The following OSTF1 variants were observed in gnomAD, a reference collection of about 807,000 sequenced individuals.
OSTF1 encodes the protein osteoclast-stimulating factor 1.
In OSTF1, 27 loss-of-function variants were observed where a neutral mutation model predicts 37.2. The ratio of observed to expected loss-of-function variants is 0.73; its 90% CI spans 0.54 to 1.00. The LOEUF (loss-of-function observed/expected upper bound fraction) is 1.00. OSTF1 is among the 50% of genes least tolerant of loss of function. The probability of loss-of-function intolerance (pLI) is 0.00; values close to 1 mark genes in which losing one functional copy is unlikely to be tolerated. For missense variants in OSTF1, 232 were observed against 253.8 expected, an observed-to-expected ratio of 0.91 and a Z score of 0.58; for synonymous variants, 82 against 89.2, an observed-to-expected ratio of 0.92 and a Z score of 0.46.
chr9:75,104,183 G>C (rs751362421), intron 1 of OSTF1, among the ~76,000 whole-genome samples: 1 of 152,272 alleles, frequency 6.6e-6, no homozygotes. Flanking sequence ...AGTCAAGGCT[G>C]CAGTGAGCTG....
intron 7 of OSTF1, among the ~76,000 whole-genome samples, chr9:75,134,732 C>A (rs1303016750): frequency 6.6e-6 from 1 of 152,186 alleles, no homozygotes; most frequent in African/African-American, 2.4e-5. Flanking sequence ...CCCCAGCTCT[C>A]ATCTTTCAGC....
In OSTF1 at chr9:75,146,716, A is replaced by G. The variant is rs1415419715; in HGVS notation, c.620A>G (p.Tyr207Cys). The stretch of plus-strand genomic sequence containing the variant: ...CGAACATTAAGCAATGCCGAGGACT[A>G]TCTCGATGATGAAGACTCAGATTAA... ...AVRTLSNAEDYLDDEDSD is the reference protein window; with the variant it reads ...AVRTLSNAEDCLDDEDSD Residue 207 changes from tyrosine (Y) to cysteine (C), a missense_variant, in exon 10 of 10, where the codon TAT becomes TGT. By Grantham distance (194) the Tyr-to-Cys change is radical. Coordinates refer to ENST00000346234, the MANE Select transcript of OSTF1 (RefSeq NM_012383.5). 3 of 1,610,986 alleles carry G rather than the reference A, an allele frequency of 1.9e-6. No homozygotes were observed. The highest frequency in any genetic ancestry group is 1.7e-5 in the Admixed American group (1 of 59,552).
chr9:75,096,190 A>T (rs1825083460), intron 1 of OSTF1, among the ~76,000 whole-genome samples: 1 of 152,062 alleles, frequency 6.6e-6, no homozygotes, highest in South Asian at 2.1e-4. Flanking sequence ...CCGCGCCTGG[A>T]CATGCCCCCT....
At chr9:75,105,633 G>A (rs891161726) in intron 1 of OSTF1, among the ~76,000 whole-genome samples, 2 of 139,436 alleles carry the variant, frequency 1.4e-5, no homozygotes, top group African/African-American at 2.6e-5. Flanking sequence ...GGCATGATCA[G>A]GGTAACTTTT....
At chr9:75,122,152 T>C (rs984010813) in intron 2 of OSTF1, among the ~76,000 whole-genome samples, 1 of 152,170 alleles carries the variant, frequency 6.6e-6, no homozygotes, top group African/African-American at 2.4e-5. Context: ...CAAGACAGAC[T>C]GATGAGGAGG....
At chr9:75,145,430 T>C (rs1389749337) in intron 9 of OSTF1, among the ~76,000 whole-genome samples, 3 of 152,238 alleles carry the variant, frequency 2.0e-5, no homozygotes, top group Non-Finnish European at 4.4e-5. Flanking sequence ...ACATGATACC[T>C]GGTTGTCACT....
At chr9:75,125,693 T>G (rs1466833102) in intron 2 of OSTF1, among the ~76,000 whole-genome samples, 2 of 152,216 alleles carry the variant, frequency 1.3e-5, no homozygotes, top group East Asian at 1.9e-4. Flanking sequence ...ATAATGCATC[T>G]AAGTATTTTC....
At position 75,147,030 on chromosome 9, in the gene OSTF1, A is replaced by G. The variant is rs924928789; in HGVS notation, c.*289A>G. ...TTTTTTTTTTCTTTAAAAACAAATT[A>G]GGATTTTTTTTTTTTTTTTTTTTTT... On this transcript the variant is annotated 3_prime_UTR_variant, in exon 10 of 10. Transcript: ENST00000346234. The G allele has an allele frequency of 1.5e-4, 20 of 135,576 alleles. No individual in the cohort carries two copies. Among genetic ancestry groups the G allele is most frequent in the Non-Finnish European group, 2.8e-4 (19 of 67,936 alleles). The allele number at this position is 135,576 out of a possible 1,614,324, so 8.4% of individuals were successfully genotyped here. A position where few individuals can be genotyped will look rare whatever the true frequency, so the allele number is the denominator to read the frequency against.
chr9:75,117,625 G>A, intron 2 of OSTF1, 75 bp downstream of exon 2: 1 of 1,076,618 alleles, frequency 9.3e-7, no homozygotes, highest in Middle Eastern at 2.0e-4. Flanking sequence ...TTCCTCTGGT[G>A]TGAATGGTCT....
At chr9:75,111,970 T>C (rs868060429) in intron 1 of OSTF1, among the ~76,000 whole-genome samples, 68 of 151,668 alleles carry the variant, frequency 4.5e-4, no homozygotes, top group African/African-American at 1.6e-3. Flanking sequence ...ATTACAGGTG[T>C]GTGCCACCAC....
chr9:75,126,625 G>A lies in OSTF1; in HGVS notation c.82-944G>A, dbSNP rs142414748. Among the ~76,000 whole-genome samples, 18 of 152,192 alleles carry A rather than the reference G, an allele frequency of 1.2e-4. No homozygotes were observed. The East Asian group carries it at 2.9e-3, about 25-fold the overall frequency. On this transcript the variant is annotated intron_variant, in intron 2 of 9. Coordinates refer to ENST00000346234, the MANE Select transcript of OSTF1 (RefSeq NM_012383.5). ...GTTTTGTTTTTTGAGACGGAGTCTC[G>A]CTCTGTCACCCAGGCTGGAGTGCAG...
intron 1 of OSTF1, among the ~76,000 whole-genome samples, chr9:75,114,867 A>AAAGTCTGC (rs1422985637): frequency 2.0e-5 from 3 of 152,088 alleles, no homozygotes; most frequent in Non-Finnish European, 4.4e-5. Context: ...GACTTTTTAA[A>AAAGTCTGC]ATTCATGCTT....
chr9:75,112,937 C>T (rs1185714898), intron 1 of OSTF1, among the ~76,000 whole-genome samples: 1 of 152,166 alleles, frequency 6.6e-6, no homozygotes, highest in African/African-American at 2.4e-5. Flanking sequence ...CTCAGAGAGA[C>T]AATCTAGTCA....
intron 9 of OSTF1, among the ~76,000 whole-genome samples, chr9:75,144,427 C>T (rs1349274891): frequency 6.6e-6 from 1 of 152,156 alleles, no homozygotes; most frequent in South Asian, 2.1e-4. Flanking sequence ...TGCTGCATGC[C>T]TGTAGTCTTA....
chr9:75,094,929 C>G (rs967297791), intron 1 of OSTF1, among the ~76,000 whole-genome samples: 7 of 152,050 alleles, frequency 4.6e-5, no homozygotes, highest in Non-Finnish European at 8.8e-5. Flanking sequence ...GTTTGTAGTC[C>G]CTGCTACTTA....
chr9:75,112,394 C>T (rs1825407719), intron 1 of OSTF1, among the ~76,000 whole-genome samples: 1 of 152,022 alleles, frequency 6.6e-6, no homozygotes, highest in South Asian at 2.1e-4. Flanking sequence ...TTTCTATTGC[C>T]TTCTTTCATT....
chr9:75,123,900 G>A (rs1383456731), intron 2 of OSTF1, among the ~76,000 whole-genome samples: 1 of 152,126 alleles, frequency 6.6e-6, no homozygotes, highest in East Asian at 1.9e-4. Context: ...CCTAATGGGT[G>A]GCTTGTGGCA....
chr9:75,127,902 A>C (rs1259849043), intron 3 of OSTF1, among the ~76,000 whole-genome samples: 1 of 152,084 alleles, frequency 6.6e-6, no homozygotes, highest in East Asian at 1.9e-4. Context: ...AAGTGAAAAA[A>C]AAAGCAAAGT....
chr9:75,090,868 GTGT>G (rs1187513309), intron 1 of OSTF1, among the ~76,000 whole-genome samples: 1 of 152,114 alleles, frequency 6.6e-6, no homozygotes, highest in African/African-American at 2.4e-5. Context: ...CATTTACTGT[GTGT>G]TAGGCAATGG....
Sources: gnomAD v4.1 joint callset for allele counts (sites outside exome capture counted in the v4.1 genomes callset) on GRCh38, gnomAD v4.1.1 for gene constraint, MANE v1.5 for transcripts, NCBI Gene and HGNC (gene_info 2026-07-23, HGNC 2026-07-21) for gene names.